ERBIN: variants seen among roughly 807,000 people sequenced by gnomAD.
ERBIN encodes the protein densin-180-like protein.
In ERBIN, 60 loss-of-function variants were observed where a neutral mutation model predicts 158.4. The observed-to-expected ratio is 0.38, with a 90% CI of 0.31 to 0.47. The LOEUF is 0.47. Among genes scored for constraint, ERBIN ranks in the 20% least tolerant of loss-of-function variants. The pLI is 0.99. For synonymous variants in ERBIN, 594 were observed against 557.2 expected (o/e 1.07, Z -0.93); for missense variants, 1,610 against 1,648.0 (o/e 0.98, Z 0.40).
intron 22 of ERBIN, among the ~76,000 whole-genome samples, chr5:66,073,055 C>A (rs550510603): frequency 1.3e-5 from 2 of 152,056 alleles, no homozygotes; most frequent in African/African-American, 4.8e-5. Context: ...AGTTTTTTCT[C>A]ATTACATATA....
intron 1 of ERBIN, among the ~76,000 whole-genome samples, chr5:65,970,697 C>G (rs1424354896): frequency 2.6e-5 from 4 of 152,200 alleles, no homozygotes; most frequent in Non-Finnish European, 4.4e-5. Context: ...AGCAATCTTC[C>G]TGCCTCAGCC....
Position 66,075,063 on chromosome 5 carries a change from C to G in ERBIN, c.3796C>G (p.Pro1266Ala). The G allele has an allele frequency of 6.2e-7, 1 of 1,614,110 alleles. No individual in the cohort carries two copies. The highest frequency in any genetic ancestry group is 8.5e-7 in the Non-Finnish European group (1 of 1,180,016). ...SNGQMGQPLR[P>A]QANYSQIHHP... ...TGGACAGATGGGCCAGCCTCTCAGG[C>G]CTCAGGCAAATTATAGTCAAATACA... Residue 1266 changes from proline to alanine, a missense_variant, in exon 23 of 26, where the codon CCT (proline) becomes GCT (alanine). Pro to Ala is a conservative substitution (Grantham distance 27). This residue lies in a region of ERBIN where 1,014 missense variants were observed against 936.1 expected (regional missense o/e 1.08). Transcript: ENST00000284037.
intron 1 of ERBIN, among the ~76,000 whole-genome samples, chr5:65,931,819 C>CTTTTTTTTTTTTT (rs36048820): frequency 1.5e-5 from 2 of 131,936 alleles, no homozygotes; most frequent in Non-Finnish European, 3.2e-5. Flanking sequence ...TCTTTTCTTT[C>CTTTTTTTTTTTTT]TTTTTTTTTT....
At chr5:65,998,367 A>G (rs933168866) in intron 4 of ERBIN, among the ~76,000 whole-genome samples, 11 of 151,332 alleles carry the variant, frequency 7.3e-5, no homozygotes, top group African/African-American at 2.4e-4. Flanking sequence ...AGGATTTATT[A>G]TTTGCTTATG....
intron 14 of ERBIN, among the ~76,000 whole-genome samples, chr5:66,032,733 C>T (rs901142783): frequency 5.9e-5 from 9 of 152,058 alleles, no homozygotes; most frequent in Admixed American, 2.0e-4. Flanking sequence ...CAACAGAACA[C>T]GTTGCCTTGA....
Position 66,078,737 on chromosome 5 carries a change from A to G in ERBIN, c.*207A>G. 2.0e-6 allele frequency: 1 copy of G among 509,452 alleles called. No individual in the cohort carries two copies. Among genetic ancestry groups the G allele is most frequent in the Non-Finnish European group, 3.5e-6 (1 of 289,518 alleles). 31.6% of individuals were successfully genotyped at this position (509,452 alleles called of 1,614,324 possible). A position where few individuals can be genotyped will look rare whatever the true frequency, so the allele number is the denominator to read the frequency against. ...AAGGAGACTGTTGAATTCATACCAT[A>G]TAAAACTTGTTAGGTTTTTAAACAT... On this transcript the variant is annotated 3_prime_UTR_variant, in exon 26 of 26. Coordinates refer to ENST00000284037, the MANE Select transcript of ERBIN (RefSeq NM_001253697.2).
chr5:65,932,316 C>T (rs1312383976), intron 1 of ERBIN, among the ~76,000 whole-genome samples: 8 of 138,500 alleles, frequency 5.8e-5, no homozygotes, highest in Admixed American at 2.4e-4. Flanking sequence ...TCCAGCCTGG[C>T]GACAGAGCAA....
At chr5:66,047,059 C>T (rs1248881576) in intron 18 of ERBIN, among the ~76,000 whole-genome samples, 1 of 152,100 alleles carries the variant, frequency 6.6e-6, no homozygotes, top group Non-Finnish European at 1.5e-5. Flanking sequence ...GCAGCCATTA[C>T]TACAGTGACT....
intron 1 of ERBIN, among the ~76,000 whole-genome samples, chr5:65,931,275 C>A (rs73762513): frequency 1.3e-5 from 2 of 152,232 alleles, no homozygotes; most frequent in East Asian, 3.9e-4. Flanking sequence ...TCTTTGGTAT[C>A]CCAGAAGGCG....
At chr5:66,009,145 A>G (rs547522630) in intron 4 of ERBIN, among the ~76,000 whole-genome samples, 1 of 152,306 alleles carries the variant, frequency 6.6e-6, no homozygotes, top group Non-Finnish European at 1.5e-5. Flanking sequence ...AGGCACTGCT[A>G]CATGTTCTCC....
chr5:65,935,434 A>G (rs756428609), intron 1 of ERBIN, among the ~76,000 whole-genome samples: 17 of 152,338 alleles, frequency 1.1e-4, no homozygotes, highest in Middle Eastern at 3.4e-3. Context: ...TGTGTGAGGA[A>G]GTTAAGGTAA....
chr5:66,038,650 G>C (rs985884116), intron 15 of ERBIN, among the ~76,000 whole-genome samples, 168 bp downstream of exon 15: 3 of 152,044 alleles, frequency 2.0e-5, no homozygotes, highest in African/African-American at 7.2e-5. Flanking sequence ...TTCAGGGGTT[G>C]AATTTAGAAG....
intron 18 of ERBIN, 35 bp from the exon 19 acceptor site, chr5:66,048,632 T>C (rs1758698519): frequency 7.9e-7 from 1 of 1,259,974 alleles, no homozygotes. Flanking sequence ...GAAACAAAAA[T>C]TTAATTTTTA....
rs1414727584 is a variant in ERBIN at position 66,023,361 on chromosome 5, A to T, written c.669A>T (p.Pro223=). ...ATGCTAATAGACTGACTTTTATTCC[A>T]GGGGTATGTATATGAGATTTTAAAT... ...WMDANRLTFI[P]GFIGSLKQLT... Residue 223 remains proline, a synonymous_variant, in exon 9 of 26, where the codon CCA becomes CCT. Coordinates refer to ENST00000284037, the MANE Select transcript of ERBIN (RefSeq NM_001253697.2). 2 of 1,607,262 alleles carry T rather than the reference A, an allele frequency of 1.2e-6. No homozygotes were observed. The highest frequency in any genetic ancestry group is 2.2e-5 in the South Asian group (2 of 90,662).
chr5:65,934,361 G>A (rs1476036128), intron 1 of ERBIN, among the ~76,000 whole-genome samples: 2 of 151,966 alleles, frequency 1.3e-5, no homozygotes, highest in African/African-American at 4.8e-5. Flanking sequence ...TTCCAGTTTG[G>A]AATCATGTGT....
intron 19 of ERBIN, among the ~76,000 whole-genome samples, chr5:66,049,668 G>T (rs570331089): frequency 4.0e-5 from 6 of 151,796 alleles, no homozygotes; most frequent in Admixed American, 3.9e-4. Flanking sequence ...AATACAATCC[G>T]GACTACTTGA....
chr5:65,996,124 T>C (rs1236221879), intron 4 of ERBIN, among the ~76,000 whole-genome samples: 1 of 152,192 alleles, frequency 6.6e-6, no homozygotes, highest in Non-Finnish European at 1.5e-5. Flanking sequence ...TGATCCCGTT[T>C]GTCTGTTTTT....
chr5:66,056,507 A>G (rs1759592916), intron 21 of ERBIN, among the ~76,000 whole-genome samples: 1 of 151,898 alleles, frequency 6.6e-6, no homozygotes, highest in African/African-American at 2.4e-5. Context: ...AGAAGCAAGT[A>G]GTAACTATCT....
At chr5:66,021,574 C>G (rs1159670310) in intron 8 of ERBIN, among the ~76,000 whole-genome samples, 189 bp downstream of exon 8, 2 of 151,864 alleles carry the variant, frequency 1.3e-5, no homozygotes, top group African/African-American at 2.4e-5. Flanking sequence ...GAACTTCTGA[C>G]CACAAGTGAG....
Sources: allele counts gnomAD v4.1 joint callset (sites outside exome capture counted in the v4.1 genomes callset), GRCh38; gene constraint gnomAD v4.1.1; regional missense constraint gnomAD v4.1.1; transcripts MANE v1.5; gene names NCBI Gene and HGNC (gene_info 2026-07-23, HGNC 2026-07-21).